Variants in PPP4R4 observed in about 807,000 individuals in gnomAD.
The protein encoded by PPP4R4 is serine/threonine-protein phosphatase 4 regulatory subunit 4.
In PPP4R4, 70 loss-of-function variants were observed where a neutral mutation model predicts 121.8. The observed-to-expected ratio is 0.57, with a 90% CI of 0.47 to 0.70. The LOEUF (loss-of-function observed/expected upper bound fraction) is 0.70. PPP4R4 is among the 30% of genes least tolerant of loss of function. The pLI, the probability that PPP4R4 is intolerant of heterozygous loss-of-function variation, is 0.00. For synonymous variants in PPP4R4, 348 were observed against 355.7 expected (o/e 0.98, Z 0.24); for missense variants, 875 against 1,033.6 (o/e 0.85, Z 2.10).
At chr14:94,227,490 C>A (rs988284330) in intron 3 of PPP4R4, 65 of 1,425,040 alleles carry the variant, frequency 4.6e-5, no homozygotes, top group Non-Finnish European at 6.0e-5. Flanking sequence ...TAACAGTGGA[C>A]AGTCCCAGAT....
At chr14:94,254,753 C>A (rs1893375868) in intron 16 of PPP4R4, among the ~76,000 whole-genome samples, 1 of 152,158 alleles carries the variant, frequency 6.6e-6, no homozygotes, top group Non-Finnish European at 1.5e-5. Context: ...TCTAAAACAG[C>A]CATGGAAAAA....
chr14:94,240,977 C>T (rs1049615517), intron 9 of PPP4R4, among the ~76,000 whole-genome samples, 182 bp downstream of exon 9: 1 of 152,016 alleles, frequency 6.6e-6, no homozygotes, highest in South Asian at 2.1e-4. Context: ...GACTTTTTCA[C>T]CAATAGAACC....
chr14:94,261,791 A>G (rs962752472), intron 19 of PPP4R4, among the ~76,000 whole-genome samples: 7 of 152,020 alleles, frequency 4.6e-5, no homozygotes, highest in Admixed American at 2.0e-4. Context: ...ATTTTGTTGT[A>G]TCTAGAAATG....
intron 24 of PPP4R4, among the ~76,000 whole-genome samples, chr14:94,277,981 C>G (rs1894731744): frequency 6.6e-6 from 1 of 152,094 alleles, no homozygotes; most frequent in South Asian, 2.1e-4. Flanking sequence ...TTATATGGAT[C>G]TCTCTTGAGT....
chr14:94,242,831 A>G (rs1892703270), intron 11 of PPP4R4, among the ~76,000 whole-genome samples: 1 of 152,220 alleles, frequency 6.6e-6, no homozygotes, highest in Non-Finnish European at 1.5e-5. Flanking sequence ...TTTCGTGAGC[A>G]TGGCTTTTAG....
chr14:94,191,357 T>TA (rs1889588982), intron 2 of PPP4R4, among the ~76,000 whole-genome samples: 1 of 149,860 alleles, frequency 6.7e-6, no homozygotes, highest in African/African-American at 2.5e-5. Flanking sequence ...AGCCTTTATT[T>TA]TTTCGTTTAA....
Position 94,244,729 on chromosome 14 carries a change from C to A in PPP4R4, c.1344+17C>A. 1 of 1,480,010 alleles carries A rather than the reference C, an allele frequency of 6.8e-7. No homozygotes were observed. Among genetic ancestry groups the A allele is most frequent in the Non-Finnish European group, 9.1e-7 (1 of 1,100,840 alleles). The allele number at this position is 1,480,010 out of a possible 1,614,324, so 91.7% of individuals were successfully genotyped here. On this transcript the variant is annotated intron_variant, in intron 12 of 24. Transcript: ENST00000304338. Reference sequence around the variant, plus strand: ...TCACTGGAGGTAATATTTTCTTACTCTTTGATTTTTAATTCTTTTATGTTT... The same window carrying A: ...TCACTGGAGGTAATATTTTCTTACTATTTGATTTTTAATTCTTTTATGTTT...
chr14:94,183,252 C>T (rs546363537), intron 2 of PPP4R4, among the ~76,000 whole-genome samples: 15 of 152,000 alleles, frequency 9.9e-5, no homozygotes, highest in Admixed American at 6.6e-5. Flanking sequence ...TCTAAGAGGT[C>T]CTCATTAAAA....
At position 94,278,730 on chromosome 14, in the gene PPP4R4, T is replaced by C; in HGVS notation, c.*87T>C. 1 of 1,326,984 alleles carries C rather than the reference T, an allele frequency of 7.5e-7. No individual in the cohort carries two copies. Among genetic ancestry groups the C allele is most frequent in the Non-Finnish European group, 9.9e-7 (1 of 1,006,606 alleles). 82.2% of individuals were successfully genotyped at this position (1,326,984 alleles called of 1,614,324 possible). A position where few individuals can be genotyped will look rare whatever the true frequency, so the allele number is the denominator to read the frequency against. ...AAAGCTAAAGCAGTGGCTGGGGCTT[T>C]GTTTTTAAATTTTGGGTTTTTTTTT... On this transcript the variant is annotated 3_prime_UTR_variant, in exon 25 of 25. Transcript: ENST00000304338.
intron 6 of PPP4R4, 24 bp downstream of exon 6, chr14:94,233,783 G>T (rs781541199): frequency 3.9e-5 from 56 of 1,445,232 alleles, no homozygotes; most frequent in Non-Finnish European, 5.4e-5. Flanking sequence ...TGTAATTTTC[G>T]GTCTACTTTA....
At chr14:94,199,634 G>T (rs1202952853) in intron 2 of PPP4R4, among the ~76,000 whole-genome samples, 1 of 152,128 alleles carries the variant, frequency 6.6e-6, no homozygotes, top group African/African-American at 2.4e-5. Context: ...CTCAGCAGAT[G>T]GGGGAGCCAG....
intron 2 of PPP4R4, among the ~76,000 whole-genome samples, chr14:94,196,927 C>G (rs1489077482): frequency 6.6e-6 from 1 of 152,130 alleles, no homozygotes; most frequent in Non-Finnish European, 1.5e-5. Flanking sequence ...TAAAAATTAA[C>G]TATCCGTGTA....
rs578117187 is a variant in PPP4R4 at position 94,266,200 on chromosome 14, C to T, written c.2378+313C>T. ...CACATGTGCCACTTAACTTTTAATA[C>T]GTATGAGTATGTTCCATTATCTAAA... On this transcript the variant is annotated intron_variant, in intron 22 of 24. Transcript: ENST00000304338. Among the ~76,000 whole-genome samples the T allele has an allele frequency of 4.6e-5, 7 of 152,104 alleles. No homozygotes were observed. In the South Asian group the frequency reaches 1.5e-3, roughly 32 times the overall value.
intron 3 of PPP4R4, among the ~76,000 whole-genome samples, chr14:94,220,220 CATAAATAAATAA>C (rs553352386): frequency 6.6e-6 from 1 of 151,936 alleles, no homozygotes. Context: ...GACTCCATCT[CATAAATAAATAA>C]ATAAATAAAT....
intron 14 of PPP4R4, among the ~76,000 whole-genome samples, chr14:94,247,164 C>T (rs903151938): frequency 6.6e-6 from 1 of 152,244 alleles, no homozygotes; most frequent in African/African-American, 2.4e-5. Flanking sequence ...ACAGAAATTT[C>T]CAAGGGGATT....
chr14:94,277,413 C>T (rs1306949503), intron 24 of PPP4R4, among the ~76,000 whole-genome samples: 3 of 152,198 alleles, frequency 2.0e-5, no homozygotes, highest in Non-Finnish European at 2.9e-5. Context: ...ACTCAGCGCA[C>T]TGGCCCTCGC....
At chr14:94,183,106 C>G (rs1029129843) in intron 2 of PPP4R4, among the ~76,000 whole-genome samples, 1 of 152,102 alleles carries the variant, frequency 6.6e-6, no homozygotes, top group African/African-American at 2.4e-5. Context: ...TTAGAAGACT[C>G]TCAGTTATTA....
intron 23 of PPP4R4, among the ~76,000 whole-genome samples, chr14:94,270,961 C>G (rs1031760342): frequency 2.6e-5 from 4 of 151,332 alleles, no homozygotes; most frequent in East Asian, 1.9e-4. Context: ...AGACTCAATT[C>G]AAAACTCACA....
intron 24 of PPP4R4, 43 bp downstream of exon 24, chr14:94,275,564 C>T: frequency 3.7e-6 from 6 of 1,600,762 alleles, no homozygotes; most frequent in Non-Finnish European, 4.3e-6. Context: ...TTATCCTCCT[C>T]TTTTGCTTAA....
Sources: allele counts gnomAD v4.1 joint callset (sites outside exome capture counted in the v4.1 genomes callset), GRCh38; gene constraint gnomAD v4.1.1; transcripts MANE v1.5; gene names NCBI Gene and HGNC (gene_info 2026-07-23, HGNC 2026-07-21).